The following FAM222B variants were observed in gnomAD, a reference collection of about 807,000 sequenced individuals.
FAM222B encodes the protein protein FAM222B.
Under a neutral mutation model 38.0 loss-of-function variants are expected in FAM222B, and 12 were observed. The ratio of observed to expected loss-of-function variants is 0.32; its 90% CI spans 0.20 to 0.51. The LOEUF is 0.51. FAM222B is among the 20% of genes least tolerant of loss of function. The pLI is 0.97. For synonymous variants in FAM222B, 329 were observed against 317.2 expected, an observed-to-expected ratio of 1.04 and a Z score of -0.40; for missense variants, 716 against 754.2, an observed-to-expected ratio of 0.95 and a Z score of 0.59.
chr17:28,853,760 A>C (rs899664572), intron 1 of FAM222B, among the ~76,000 whole-genome samples: 2 of 151,996 alleles, frequency 1.3e-5, no homozygotes, highest in Admixed American at 6.6e-5. Context: ...GCATGTTAGC[A>C]TGTGCCTGTA....
chr17:28,818,950 TA>T (rs1294454323), intron 1 of FAM222B, among the ~76,000 whole-genome samples: 2 of 152,180 alleles, frequency 1.3e-5, no homozygotes, highest in African/African-American at 4.8e-5. Flanking sequence ...CTCCTGTAGA[TA>T]AAATGGCACG....
intron 1 of FAM222B, among the ~76,000 whole-genome samples, chr17:28,768,643 C>T (rs1045424539): frequency 5.9e-5 from 9 of 151,746 alleles, no homozygotes; most frequent in East Asian, 1.9e-4. Context: ...TCGAGAACAG[C>T]GTGGCCAACG....
rs758555819 is a variant in FAM222B at position 28,758,219 on chromosome 17, A to C, written c.*51T>G. On this transcript the variant is annotated 3_prime_UTR_variant, in exon 3 of 3. Coordinates refer to ENST00000581407, the MANE Select transcript of FAM222B (RefSeq NM_001077498.3). ...ACTATCCAGTTACTTAAAAGACTAA[A>C]CCTAGGAGGGTGATGTATGATGTGT... is the stretch of plus-strand genomic sequence containing the variant. 7.0e-7 allele frequency: 1 copy of C among 1,425,814 alleles called. No homozygotes were observed. The highest frequency in any genetic ancestry group is 9.5e-7 in the Non-Finnish European group (1 of 1,049,518). The allele number at this position is 1,425,814 out of a possible 1,614,324, so 88.3% of individuals were successfully genotyped here. A position where few individuals can be genotyped will look rare whatever the true frequency, so the allele number is the denominator to read the frequency against.
intron 1 of FAM222B, among the ~76,000 whole-genome samples, chr17:28,853,971 T>A (rs2039204185): frequency 7.1e-6 from 1 of 140,484 alleles, no homozygotes; most frequent in East Asian, 2.1e-4. Flanking sequence ...TGAGATGGAG[T>A]CTCGCTCTAT....
intron 1 of FAM222B, among the ~76,000 whole-genome samples, chr17:28,804,183 G>C (rs1390000761): frequency 6.6e-6 from 1 of 151,984 alleles, no homozygotes; most frequent in Admixed American, 6.6e-5. Flanking sequence ...TAGGCCTTTG[G>C]TCTCAGACTG....
At chr17:28,798,569 A>G (rs908629724) in intron 1 of FAM222B, among the ~76,000 whole-genome samples, 1 of 152,012 alleles carries the variant, frequency 6.6e-6, no homozygotes, top group Non-Finnish European at 1.5e-5. Context: ...TTTTTTAAAA[A>G]GCACTTAACC....
intron 1 of FAM222B, among the ~76,000 whole-genome samples, chr17:28,775,343 G>T (rs1175154299): frequency 6.6e-6 from 1 of 151,662 alleles, no homozygotes; most frequent in Non-Finnish European, 1.5e-5. Context: ...ATTTTTCCGT[G>T]GGGAATGGGG....
rs115013430 is a variant in FAM222B at position 28,791,554 on chromosome 17, G to T, written c.-40-24847C>A. On this transcript the variant is annotated intron_variant, in intron 1 of 2. Transcript: ENST00000581407. The stretch of plus-strand genomic sequence containing the variant: ...CTAAAGATAGAGAATTTCGCCATTG[G>T]AAAGCAAAAAACAAAAAACAAAAAA... 3.2e-3 allele frequency among the ~76,000 whole-genome samples: 485 copies of T among 151,216 alleles called. 6 individuals are homozygous for T. The highest frequency in any genetic ancestry group is 0.011 in the African/African-American group (457 of 41,270).
At chr17:28,840,496 T>C (rs566205653) in intron 1 of FAM222B, among the ~76,000 whole-genome samples, 3 of 152,292 alleles carry the variant, frequency 2.0e-5, no homozygotes, top group Admixed American at 6.6e-5. Flanking sequence ...AAGACACCTC[T>C]TGGGCTCCTC....
At chr17:28,821,205 C>T (rs891138203) in intron 1 of FAM222B, among the ~76,000 whole-genome samples, 1 of 152,090 alleles carries the variant, frequency 6.6e-6, no homozygotes, top group Non-Finnish European at 1.5e-5. Context: ...CCACCCACCT[C>T]GGCCTCCCAA....
chr17:28,841,909 CAT>C (rs1478216321), intron 1 of FAM222B, among the ~76,000 whole-genome samples: 2 of 152,142 alleles, frequency 1.3e-5, no homozygotes, highest in Non-Finnish European at 2.9e-5. Flanking sequence ...AAAGAAAGCA[CAT>C]ATGTGTCTAC....
chr17:28,830,990 CTTT>C (rs56073818), intron 1 of FAM222B, among the ~76,000 whole-genome samples: 4 of 117,808 alleles, frequency 3.4e-5, no homozygotes, highest in African/African-American at 6.5e-5. Context: ...GTGAATGTTT[CTTT>C]TTTTTTTTTT....
chr17:28,791,057 G>T (rs577530828), intron 1 of FAM222B, among the ~76,000 whole-genome samples: 34 of 151,298 alleles, frequency 2.2e-4, no homozygotes, highest in Non-Finnish European at 4.6e-4. Context: ...ACAGGTGCCC[G>T]CCACCACGCC....
chr17:28,848,237 C>T (rs999156912), intron 1 of FAM222B, among the ~76,000 whole-genome samples: 2 of 152,060 alleles, frequency 1.3e-5, no homozygotes, highest in African/African-American at 2.4e-5. Context: ...TCTCCTTGTA[C>T]GTTTTATCTC....
intron 1 of FAM222B, among the ~76,000 whole-genome samples, chr17:28,806,067 G>A (rs1274215566): frequency 1.3e-5 from 2 of 151,796 alleles, no homozygotes; most frequent in Non-Finnish European, 2.9e-5. Flanking sequence ...CAGGAGAATC[G>A]CTTGAACCTG....
At chr17:28,852,196 T>G (rs1332714135) in intron 1 of FAM222B, among the ~76,000 whole-genome samples, 2 of 151,318 alleles carry the variant, frequency 1.3e-5, no homozygotes, top group African/African-American at 4.9e-5. Flanking sequence ...TAAAACACCG[T>G]CTCTACTAAA....
At chr17:28,821,997 C>T (rs1177113472) in intron 1 of FAM222B, among the ~76,000 whole-genome samples, 3 of 151,384 alleles carry the variant, frequency 2.0e-5, no homozygotes, top group East Asian at 2.0e-4. Context: ...AAAATAATGG[C>T]ACAAAAACAC....
At position 28,758,321 on chromosome 17, in the gene FAM222B, G is replaced by C. The variant is rs199981422; in HGVS notation, c.1638C>G (p.Pro546=). The C allele has an allele frequency of 1.2e-6, 2 of 1,608,926 alleles. No individual in the cohort carries two copies. Among genetic ancestry groups the C allele is most frequent in the Non-Finnish European group, 1.7e-6 (2 of 1,177,672 alleles). Residue 546 remains proline (P), a synonymous_variant, in exon 3 of 3, where the codon CCC becomes CCG. Transcript: ENST00000581407. ...GAAGACTTCGACTCTCTGTGGGATC[G>C]GGGGCTCGGTTGCCAGGGGCTCGGT... ...KAHRAPGNRA[P]DPTESRSLHI...
intron 1 of FAM222B, among the ~76,000 whole-genome samples, chr17:28,836,996 T>C (rs2038866433): frequency 6.6e-6 from 1 of 152,090 alleles, no homozygotes; most frequent in African/African-American, 2.4e-5. Context: ...CGGGCACCTG[T>C]AATCCCAGCT....
Sources: allele counts gnomAD v4.1 joint callset (sites outside exome capture counted in the v4.1 genomes callset), GRCh38; gene constraint gnomAD v4.1.1; transcripts MANE v1.5; gene names NCBI Gene and HGNC (gene_info 2026-07-23, HGNC 2026-07-21).